Variants in MAX observed in about 807,000 individuals in gnomAD.
MAX encodes MYC associated transcriptional regulator X.
Under a neutral mutation model 22.3 loss-of-function variants are expected in MAX, and 3 were observed. That is an observed-to-expected ratio of 0.13 (90% CI 0.06 to 0.35). The LOEUF is 0.35. Among genes scored for constraint, MAX ranks in the 10% least tolerant of loss-of-function variants. MAX has a pLI of 1.00. For missense variants in MAX, 119 were observed against 209.4 expected, an observed-to-expected ratio of 0.57 and a Z score of 2.66; for synonymous variants, 72 against 77.7, an observed-to-expected ratio of 0.93 and a Z score of 0.39.
At chr14:65,074,133 G>A (rs1352191044), downstream of MAX, among the ~76,000 whole-genome samples, 1 of 152,098 alleles carries the variant, frequency 6.6e-6, no homozygotes, top group Admixed American at 6.5e-5. Context: ...CCAATACTAA[G>A]CAAACCAACT....
chr14:65,056,259 A>G (rs956610979), intron 3 of MAX, among the ~76,000 whole-genome samples: 10 of 152,306 alleles, frequency 6.6e-5, no homozygotes, highest in Admixed American at 5.2e-4. Context: ...CATTTTAACT[A>G]TTATATGATA....
At chr14:65,102,685 A>C, upstream of MAX, 2 of 593,100 alleles carry the variant, frequency 3.4e-6, no homozygotes, top group Non-Finnish European at 4.1e-6. Flanking sequence ...AGGCGACGCC[A>C]GCCCGGCTTG....
At chr14:65,074,044 T>C (rs2139725041), downstream of MAX, among the ~76,000 whole-genome samples, 1 of 152,336 alleles carries the variant, frequency 6.6e-6, no homozygotes, top group African/African-American at 2.4e-5. Context: ...TCCTGTTTGC[T>C]ATCTCCCTAC....
rs553827309 is a variant in MAX, at chr14:65,093,455, A to G, written c.171+253T>C. 1.2e-5 allele frequency: 6 copies of G among 502,998 alleles called. No homozygotes were observed. In the South Asian group the frequency reaches 1.3e-4, roughly 11 times the overall value. The allele number at this position is 502,998 out of a possible 1,614,324, so 31.2% of individuals were successfully genotyped here. On this transcript the variant is annotated intron_variant, in intron 3 of 4. Transcript: ENST00000358664. This position sits in a 1 kb window ranked among gnomAD's most constrained non-coding sequence, Gnocchi z 4.4. ...TTATAATTTCTTGAATTTATTACAAATAATACAAATTTTAAAAGATAACTC... is the reference window on the plus strand; with the variant it reads ...TTATAATTTCTTGAATTTATTACAAGTAATACAAATTTTAAAAGATAACTC...
At chr14:65,019,988 T>G (rs1015442262) in intron 3 of MAX, among the ~76,000 whole-genome samples, 2 of 152,216 alleles carry the variant, frequency 1.3e-5, no homozygotes, top group Non-Finnish European at 2.9e-5. Flanking sequence ...TACAAATATA[T>G]TAAGGTGACC....
intron 3 of MAX, among the ~76,000 whole-genome samples, chr14:65,091,237 G>A (rs1379753906): frequency 6.6e-6 from 1 of 152,154 alleles, no homozygotes; most frequent in East Asian, 1.9e-4. Flanking sequence ...GGTTTAGTGA[G>A]AACTGATAAG....
chr14:65,053,254 C>T, intron 3 of MAX: 6 of 1,424,052 alleles, frequency 4.2e-6, no homozygotes, highest in Non-Finnish European at 5.6e-6. Context: ...CTGCCCTTAG[C>T]ATGAGCCACT....
rs2062516368 is a variant in MAX, at chr14:65,047,829, T to G, written c.172-41545A>C. Among the ~76,000 whole-genome samples the G allele has an allele frequency of 6.6e-6, 1 of 151,906 alleles. No individual in the cohort carries two copies. The highest frequency in any genetic ancestry group is 1.5e-5 in the Non-Finnish European group (1 of 68,004). ...AAGCTCTGCAAGATACAACATGAAG[T>G]GTAAGGGGGCGGGGCCTGGAGCAGT... On this transcript the variant is annotated intron_variant, in intron 3 of 3. Transcript: ENST00000341653. The surrounding 1 kb of genome is among the most constrained non-coding windows in gnomAD (Gnocchi z 5.2).
At chr14:65,065,695 T>C (rs2062924927) in intron 3 of MAX, among the ~76,000 whole-genome samples, 2 of 152,196 alleles carry the variant, frequency 1.3e-5, no homozygotes, top group South Asian at 4.1e-4. Flanking sequence ...AAACATGATG[T>C]GGCGTGACTA....
intron 3 of MAX, among the ~76,000 whole-genome samples, chr14:65,008,292 G>A (rs3783721): frequency 1.3e-5 from 2 of 151,994 alleles, no homozygotes; most frequent in Admixed American, 1.3e-4. Flanking sequence ...GCCCAGGTTT[G>A]GGGGGAGGAA....
In MAX at chr14:65,084,693, T is replaced by C. The variant is rs1436634763; in HGVS notation, c.172-6657A>G. ...CAACCCCAATTGCCCAAAAGAAACA[T>C]GCCTAATGACTAAACATGAGCACAC... is the stretch of plus-strand genomic sequence containing the variant. On this transcript the variant is annotated intron_variant, in intron 3 of 4. Coordinates refer to ENST00000358664, the MANE Select transcript of MAX (RefSeq NM_002382.5). This position sits in a 1 kb window ranked among gnomAD's most constrained non-coding sequence, Gnocchi z 4.3. 6.6e-6 allele frequency among the ~76,000 whole-genome samples: 1 copy of C among 152,148 alleles called. No homozygotes were observed. The highest frequency in any genetic ancestry group is 1.9e-4 in the East Asian group (1 of 5,196).
chr14:65,069,583 C>A lies in MAX; in HGVS notation c.171+24125G>T, dbSNP rs1277829938. Among the ~76,000 whole-genome samples the A allele has an allele frequency of 6.6e-6, 1 of 152,238 alleles. No individual in the cohort carries two copies. The highest frequency in any genetic ancestry group is 1.9e-4 in the East Asian group (1 of 5,200). ...CAAATACCCGAGGGTTGAACTCACG[C>A]AGAGGCAACCCTGGAACCGCCCTAT... On this transcript the variant is annotated intron_variant, in intron 3 of 3. Transcript: ENST00000341653. The surrounding 1 kb of genome is among the most constrained non-coding windows in gnomAD (Gnocchi z 4.6).
At chr14:65,053,056 A>T in intron 3 of MAX, 1 of 397,050 alleles carries the variant, frequency 2.5e-6, no homozygotes, top group Non-Finnish European at 4.3e-6. Flanking sequence ...CACATGTCAA[A>T]GTTCAGGAGA....
chr14:65,100,259 G>C (rs1359255694), intron 2 of MAX, among the ~76,000 whole-genome samples: 1 of 152,154 alleles, frequency 6.6e-6, no homozygotes, highest in Admixed American at 6.5e-5. Context: ...AGACCAGCCT[G>C]GCCAACATGG....
Position 65,079,356 on chromosome 14 carries a change from T to C in MAX, c.172-1320A>G, listed in dbSNP as rs373929257. On this transcript the variant is annotated intron_variant, in intron 3 of 4. Coordinates refer to ENST00000358664, the MANE Select transcript of MAX (RefSeq NM_002382.5). The surrounding 1 kb of genome is among the most constrained non-coding windows in gnomAD (Gnocchi z 4.5). ...AACAACCACACCTCTACAATGGCTG[T>C]GGGTTGCCTGGGTACTGCCTTGCTA... Among the ~76,000 whole-genome samples the C allele has an allele frequency of 6.6e-6, 1 of 152,230 alleles. No individual in the cohort carries two copies. Among genetic ancestry groups the C allele is most frequent in the Admixed American group, 6.5e-5 (1 of 15,282 alleles).
Position 65,029,881 on chromosome 14 carries a change from G to A in MAX, c.172-23597C>T, listed in dbSNP as rs2062046929. Among the ~76,000 whole-genome samples, 1 of 152,182 alleles carries A rather than the reference G, an allele frequency of 6.6e-6. No individual in the cohort carries two copies. Among genetic ancestry groups the A allele is most frequent in the South Asian group, 2.1e-4 (1 of 4,830 alleles). ...GTAGTGTTCCAATAAAAGCCCTCTG[G>A]TTTCAGGGCTGGAGGGAGAGAGAGC... On this transcript the variant is annotated intron_variant, in intron 3 of 3. Transcript: ENST00000341653. The surrounding 1 kb of genome is among the most constrained non-coding windows in gnomAD (Gnocchi z 4.7).
intron 3 of MAX, chr14:65,061,163 CT>C (rs766294171): frequency 3.1e-6 from 5 of 1,613,282 alleles, no homozygotes; most frequent in Non-Finnish European, 4.2e-6. Context: ...TAACTGGCAC[CT>C]TTTCTTCTCT....
chr14:65,050,388 C>T (rs11622550), intron 3 of MAX, among the ~76,000 whole-genome samples: 37,603 of 152,036 alleles, frequency 0.25, 4,804 homozygotes, highest in Non-Finnish European at 0.29. Flanking sequence ...TTTAGGAGTT[C>T]GAGACTGGCT....
At chr14:65,055,109 G>A (rs1254551640) in intron 3 of MAX, among the ~76,000 whole-genome samples, 2 of 152,252 alleles carry the variant, frequency 1.3e-5, no homozygotes, top group Admixed American at 1.3e-4. Flanking sequence ...CATCTCTTCA[G>A]AGAATGAGAT....
Sources: allele counts gnomAD v4.1 joint callset (sites outside exome capture counted in the v4.1 genomes callset), GRCh38; gene constraint gnomAD v4.1.1; non-coding constraint Gnocchi (gnomAD v3.1); transcripts MANE v1.5; gene names NCBI Gene and HGNC (gene_info 2026-07-23, HGNC 2026-07-21).